Variants in LIG3 observed in about 807,000 individuals in gnomAD.
The protein encoded by LIG3 is DNA ligase 3.
A neutral mutation model predicts 110.9 loss-of-function variants in LIG3; 58 were observed. The ratio of observed to expected loss-of-function variants is 0.52; its 90% CI spans 0.42 to 0.65. The LOEUF is 0.65. Ranked by LOEUF, LIG3 falls within the 30% of genes least tolerant of loss-of-function variation. LIG3 has a pLI of 0.00. For synonymous variants in LIG3, 422 were observed against 472.8 expected (o/e 0.89, Z 1.39); for missense variants, 1,094 against 1,273.8 (o/e 0.86, Z 2.15).
chr17:35,001,458 G>T lies in LIG3; in HGVS notation c.2478+55G>T, dbSNP rs1004887228. On this transcript the variant is annotated intron_variant, in intron 17 of 19. Coordinates refer to ENST00000378526, the MANE Select transcript of LIG3 (RefSeq NM_013975.4). The stretch of plus-strand genomic sequence containing the variant: ...TCCACCCCACTGTCCAGGCCTTGGA[G>T]CCTTGGGCATCTAGACCATTCACAT... 1.9e-6 allele frequency: 3 copies of T among 1,559,444 alleles called. No homozygotes were observed. The African/African-American group carries it at 4.1e-5, about 21-fold the overall frequency.
In LIG3 at chr17:34,989,573, C is replaced by G; in HGVS notation, c.799C>G (p.Arg267Gly). 6.2e-7 allele frequency: 1 copy of G among 1,614,062 alleles called. No homozygotes were observed. The highest frequency in any genetic ancestry group is 1.6e-4 in the Middle Eastern group (1 of 6,062). The change falls in exon 4 of 20, where the codon CGA (arginine) becomes GGA (glycine). Residue 267 changes from arginine to glycine, a missense_variant. By Grantham distance (125) the Arg-to-Gly change is moderately radical. Transcript: ENST00000378526. ...RHKDCLLREF[R>G]KLCAMVADNP... ...TAAGGACTGTCTGCTACGGGAGTTTCGAAAGTTATGCGCCATGGTGGCCGA... is the reference window on the plus strand; with the variant it reads ...TAAGGACTGTCTGCTACGGGAGTTTGGAAAGTTATGCGCCATGGTGGCCGA...
Position 34,983,465 on chromosome 17 carries a change from A to C in LIG3, c.460A>C (p.Thr154Pro), listed in dbSNP as rs756221253. ...GAAACTAGAGCGGGCCCGGGCCACC[A>C]CAAAAAAAATCGAGGACCTCACAGA... The part of the protein sequence containing the change: ...FEKLERARAT[T>P]KKIEDLTELE... The change falls in exon 2 of 20, where the codon ACA (threonine) becomes CCA (proline). Residue 154 changes from threonine to proline, a missense_variant. Coordinates refer to ENST00000378526, the MANE Select transcript of LIG3 (RefSeq NM_013975.4). The C allele has an allele frequency of 1.9e-6, 3 of 1,614,162 alleles. No homozygotes were observed. The South Asian group carries it at 3.3e-5, about 18-fold the overall frequency.
chr17:35,004,335 C>G lies in LIG3; in HGVS notation c.2859C>G (p.Ser953Arg), dbSNP rs2090877531. 6.2e-7 allele frequency: 1 copy of G among 1,614,070 alleles called. No homozygotes were observed. The highest frequency in any genetic ancestry group is 1.1e-5 in the South Asian group (1 of 91,090). The change falls in exon 20 of 20, where the codon AGC (serine) becomes AGG (arginine). Residue 953 changes from serine (S) to arginine (R), a missense_variant. Transcript: ENST00000378526. The stretch of plus-strand genomic sequence containing the variant: ...TGCCACCCTCCACACCAGACTTCAG[C>G]CGTCTCAGACGCTACTTTGTGGCAT... Reference protein sequence around the residue: ...LYLPPSTPDFSRLRRYFVAFD... With the variant: ...LYLPPSTPDFRRLRRYFVAFD...
chr17:35,001,824 C>A, intron 17 of LIG3, 85 bp from the exon 18 acceptor site: 2 of 1,218,020 alleles, frequency 1.6e-6, no homozygotes, highest in Non-Finnish European at 2.3e-6. Flanking sequence ...TTCCCATATG[C>A]GCCTAAAATA....
downstream of LIG3, chr17:35,009,819 G>C (rs1362979175): frequency 1.3e-5 from 2 of 152,660 alleles, no homozygotes; most frequent in Non-Finnish European, 2.9e-5. Flanking sequence ...GCCAGCTTCT[G>C]CCCTTAAGTT....
At chr17:34,994,456 G>A (rs748472318) in intron 9 of LIG3, 25 bp downstream of exon 9, 8 of 1,606,824 alleles carry the variant, frequency 5.0e-6, no homozygotes, top group Non-Finnish European at 6.8e-6. Flanking sequence ...CTTTCTGCCA[G>A]GACCGTCTTT....
At chr17:34,999,084 A>G (rs2090812138) in intron 14 of LIG3, 2 of 553,228 alleles carry the variant, frequency 3.6e-6, no homozygotes, top group South Asian at 2.8e-5. Context: ...ACACAGTTCA[A>G]TGCCCCAGAG....
intron 4 of LIG3, chr17:34,989,884 C>G: frequency 1.8e-6 from 1 of 547,538 alleles, no homozygotes; most frequent in Middle Eastern, 5.0e-4. Context: ...TCTCAGAGCA[C>G]TTTGGCATCT....
chr17:34,982,412 A>G (rs1272267468), intron 1 of LIG3, among the ~76,000 whole-genome samples: 1 of 152,194 alleles, frequency 6.6e-6, no homozygotes, highest in Non-Finnish European at 1.5e-5. Context: ...TGGGAGGCCG[A>G]GGCGGGCGAA....
chr17:34,998,790 C>A, intron 14 of LIG3, 63 bp downstream of exon 14: 1 of 1,557,022 alleles, frequency 6.4e-7, no homozygotes. Flanking sequence ...GAGGTACAGG[C>A]TGGCCTTGTT....
In LIG3 at chr17:34,986,140, G is replaced by A. The variant is rs200117174; in HGVS notation, c.691+9G>A. On this transcript the variant is annotated intron_variant, in intron 3 of 19. Coordinates refer to ENST00000378526, the MANE Select transcript of LIG3 (RefSeq NM_013975.4). ...ATTTTCTGGCTTTTCAGGTAAGATA[G>A]GTTAGGGCTACTTTAGCTGTTATAG... The A allele has an allele frequency of 2.4e-5, 38 of 1,613,602 alleles. No individual in the cohort carries two copies. The East Asian group carries it at 5.1e-4, about 22-fold the overall frequency.
intron 5 of LIG3, 26 bp downstream of exon 5, chr17:34,991,140 G>A (rs1450483852): frequency 6.2e-7 from 1 of 1,610,952 alleles, no homozygotes. Flanking sequence ...GGGAGGGTAG[G>A]CTACATTCCA....
chr17:34,982,236 G>A (rs2090603702), intron 1 of LIG3, among the ~76,000 whole-genome samples: 1 of 152,070 alleles, frequency 6.6e-6, no homozygotes, highest in East Asian at 1.9e-4. Context: ...CTCAATATAG[G>A]GATTCTAACT....
At chr17:34,999,645 CCA>C in intron 15 of LIG3, 135 bp from the exon 16 acceptor site, 1 of 1,050,658 alleles carries the variant, frequency 9.5e-7, no homozygotes, top group Non-Finnish European at 1.4e-6. Context: ...TAGGTCATAC[CCA>C]CTCTGGGCTG....
chr17:35,010,384 C>T (rs553062713), downstream of LIG3: 1 of 152,258 alleles, frequency 6.6e-6, no homozygotes, highest in Non-Finnish European at 1.5e-5. Context: ...CCTCCAGCTC[C>T]TCTAGGGGTG....
At chr17:35,001,005 A>C (rs1342887933) in intron 16 of LIG3, among the ~76,000 whole-genome samples, 2 of 151,934 alleles carry the variant, frequency 1.3e-5, no homozygotes, top group African/African-American at 2.4e-5. Context: ...CCTGGGTTCA[A>C]GCGATTCTCA....
chr17:34,980,738 C>T (rs1178247560), intron 1 of LIG3, 116 bp downstream of exon 1: 4 of 494,424 alleles, frequency 8.1e-6, no homozygotes, highest in Non-Finnish European at 2.6e-6. Flanking sequence ...CCTCCCCCGC[C>T]CGCCTGCGGA....
chr17:35,001,496 C>T, intron 17 of LIG3, 93 bp downstream of exon 17: 3 of 1,302,510 alleles, frequency 2.3e-6, no homozygotes, highest in Non-Finnish European at 3.2e-6. Flanking sequence ...CCTCTGTCTT[C>T]TCCTTTCCCC....
rs1189525740 is a variant in LIG3, at chr17:34,992,710, G to A, written c.1455+18G>A. ...CCATGTTGGTGAGGAGTGCTCCCCT[G>A]CCTCTGCTTTCCAGCCTCTCCAAGC... On this transcript the variant is annotated intron_variant, in intron 8 of 19. Transcript: ENST00000378526. 1 of 1,548,318 alleles carries A rather than the reference G, an allele frequency of 6.5e-7. No homozygotes were observed. The highest frequency in any genetic ancestry group is 8.7e-7 in the Non-Finnish European group (1 of 1,148,952).
Sources: allele counts gnomAD v4.1 joint callset (sites outside exome capture counted in the v4.1 genomes callset), GRCh38; gene constraint gnomAD v4.1.1; transcripts MANE v1.5; gene names NCBI Gene and HGNC (gene_info 2026-07-23, HGNC 2026-07-21).